The following VPS13B variants were observed in gnomAD, a reference collection of about 807,000 sequenced individuals.
VPS13B encodes the protein vacuolar protein sorting 13 homolog B, also known as intermembrane lipid transfer protein VPS13B.
A neutral mutation model predicts 426.4 loss-of-function variants in VPS13B; 285 were observed. That is an observed-to-expected ratio of 0.67 (90% confidence interval 0.61 to 0.74). The LOEUF (loss-of-function observed/expected upper bound fraction) is 0.74, where lower values mean the gene tolerates loss of function less well. Among genes scored for constraint, VPS13B ranks in the 30% least tolerant of loss-of-function variants. The pLI is 0.00. For missense variants in VPS13B, 4,537 were observed against 4,782.6 expected (o/e 0.95, Z 1.51); for synonymous variants, 1,676 against 1,676.4 (o/e 1.00, Z 0.01).
At chr8:99,494,344 G>A (rs1315559860) in intron 25 of VPS13B, among the ~76,000 whole-genome samples, 1 of 151,966 alleles carries the variant, frequency 6.6e-6, no homozygotes. Flanking sequence ...AACACTGGAT[G>A]TCTTTCCATT....
chr8:99,413,432 A>G (rs1315453895), intron 21 of VPS13B, among the ~76,000 whole-genome samples: 1 of 150,606 alleles, frequency 6.6e-6, no homozygotes, highest in Admixed American at 6.6e-5. Flanking sequence ...TATTGTGTCT[A>G]TTTGTTTCTT....
intron 19 of VPS13B, among the ~76,000 whole-genome samples, chr8:99,383,719 A>G (rs999702246): frequency 3.2e-4 from 48 of 152,110 alleles, no homozygotes; most frequent in African/African-American, 1.1e-3. Context: ...TCTAAAATAT[A>G]TGTTTTCTTT....
At chr8:99,042,002 A>G (rs2132232739) in intron 3 of VPS13B, among the ~76,000 whole-genome samples, 1 of 152,052 alleles carries the variant, frequency 6.6e-6, no homozygotes, top group East Asian at 1.9e-4. Flanking sequence ...TATAGAAGTA[A>G]TACTTATTTT....
At chr8:99,555,812 A>G (rs890662113) in intron 30 of VPS13B, among the ~76,000 whole-genome samples, 3 of 152,268 alleles carry the variant, frequency 2.0e-5, no homozygotes, top group South Asian at 4.1e-4. Flanking sequence ...TTCCAACTCT[A>G]TATAGGGCAG....
intron 17 of VPS13B, chr8:99,233,764 G>T: frequency 1.3e-6 from 1 of 779,222 alleles, no homozygotes; most frequent in Non-Finnish European, 2.4e-6. Context: ...TCACATTTCT[G>T]CCTTCTTTTC....
intron 23 of VPS13B, among the ~76,000 whole-genome samples, chr8:99,458,222 C>G (rs1353003578): frequency 6.6e-6 from 1 of 152,124 alleles, no homozygotes; most frequent in Non-Finnish European, 1.5e-5. Flanking sequence ...CCAGCTTCAT[C>G]CATGTCCCTG....
chr8:99,159,744 C>G (rs1811543984), intron 15 of VPS13B, among the ~76,000 whole-genome samples: 1 of 152,168 alleles, frequency 6.6e-6, no homozygotes, highest in African/African-American at 2.4e-5. Context: ...ACTGCAACCT[C>G]CACCTCCTGG....
chr8:99,844,933 C>A (rs771182964), intron 54 of VPS13B, among the ~76,000 whole-genome samples: 2 of 152,194 alleles, frequency 1.3e-5, no homozygotes, highest in Non-Finnish European at 2.9e-5. Context: ...CAGACACAGG[C>A]AACAGCAGCC....
chr8:99,535,435 A>G (rs1426146290), intron 30 of VPS13B, among the ~76,000 whole-genome samples: 2 of 152,174 alleles, frequency 1.3e-5, no homozygotes, highest in Admixed American at 6.5e-5. Context: ...GTGTAGACAG[A>G]TAGCTCCTCA....
Position 99,699,532 on chromosome 8 carries a change from C to G in VPS13B, c.6054C>G (p.Val2018=). Residue 2018 remains valine (V), a synonymous_variant, in exon 36 of 62, where the codon GTC becomes GTG. Transcript: ENST00000357162. ...TCTTTTTTACTTCTATAGCGGATGT[C>G]AATTTGGATATATCAAAGCCTTTGA... ...IKDFLNGPAD[V]NLDISKPLKA... 6.2e-7 allele frequency: 1 copy of G among 1,613,378 alleles called. No individual in the cohort carries two copies. The highest frequency in any genetic ancestry group is 8.5e-7 in the Non-Finnish European group (1 of 1,179,956).
chr8:99,652,439 T>C (rs1164092527), intron 34 of VPS13B, among the ~76,000 whole-genome samples: 1 of 152,168 alleles, frequency 6.6e-6, no homozygotes, highest in Admixed American at 6.5e-5. Flanking sequence ...TCATTGTTAA[T>C]ATCTTTAAGT....
At chr8:99,271,195 A>AACAACAACT (rs1401978837) in intron 17 of VPS13B, among the ~76,000 whole-genome samples, 2 of 145,230 alleles carry the variant, frequency 1.4e-5, no homozygotes, top group African/African-American at 5.1e-5. Context: ...TGCTACCACT[A>AACAACAACT]ACTACTACTA....
chr8:99,483,294 C>T (rs1186577583), intron 25 of VPS13B, among the ~76,000 whole-genome samples: 1 of 151,862 alleles, frequency 6.6e-6, no homozygotes, highest in African/African-American at 2.4e-5. Context: ...TTTTTCTTCC[C>T]AAATGAGGAA....
intron 2 of VPS13B, among the ~76,000 whole-genome samples, chr8:99,023,563 C>T (rs1340921354): frequency 6.6e-6 from 1 of 151,760 alleles, no homozygotes; most frequent in Non-Finnish European, 1.5e-5. Flanking sequence ...TCACTGCAAC[C>T]TCTGCCTCCT....
intron 50 of VPS13B, 135 bp downstream of exon 50, chr8:99,821,617 T>C (rs1375773492): frequency 9.2e-7 from 1 of 1,083,120 alleles, no homozygotes; most frequent in Non-Finnish European, 1.4e-6. Context: ...GTACATTTGA[T>C]TTCTTAACTT....
intron 33 of VPS13B, among the ~76,000 whole-genome samples, chr8:99,585,276 A>G (rs1461889685): frequency 2.0e-5 from 3 of 152,214 alleles, no homozygotes; most frequent in African/African-American, 4.8e-5. Context: ...ACCAAAGTTT[A>G]TAGACTTGAA....
intron 19 of VPS13B, among the ~76,000 whole-genome samples, chr8:99,296,096 C>T (rs1820026243): frequency 6.6e-6 from 1 of 152,142 alleles, no homozygotes; most frequent in Non-Finnish European, 1.5e-5. Flanking sequence ...TTTGCACCAT[C>T]ATAAAGTTGA....
At chr8:99,029,394 C>T (rs1376314855) in intron 2 of VPS13B, among the ~76,000 whole-genome samples, 1 of 151,980 alleles carries the variant, frequency 6.6e-6, no homozygotes, top group Admixed American at 6.5e-5. Context: ...GCAGAGGCTG[C>T]AATCTCGGCT....
intron 25 of VPS13B, among the ~76,000 whole-genome samples, chr8:99,490,276 T>C (rs1304289389): frequency 6.6e-6 from 1 of 152,172 alleles, no homozygotes; most frequent in East Asian, 1.9e-4. Flanking sequence ...GGATAAGCTT[T>C]TTGGTGTGCT....
Sources: gnomAD v4.1 joint callset for allele counts (sites outside exome capture counted in the v4.1 genomes callset) on GRCh38, gnomAD v4.1.1 for gene constraint, MANE v1.5 for transcripts, NCBI Gene and HGNC (gene_info 2026-07-23, HGNC 2026-07-21) for gene names.